The following USP10 variants were observed in gnomAD, a reference collection of about 807,000 sequenced individuals.
USP10 encodes the protein ubiquitin specific peptidase 10.
A neutral mutation model predicts 84.5 loss-of-function variants in USP10; 22 were observed. The ratio of observed to expected loss-of-function variants is 0.26; its 90% CI spans 0.19 to 0.37. The LOEUF (loss-of-function observed/expected upper bound fraction) is 0.37. USP10 is among the 10% of genes least tolerant of loss of function. The pLI is 1.00. For synonymous variants in USP10, 454 were observed against 387.6 expected, an observed-to-expected ratio of 1.17 and a Z score of -2.01; for missense variants, 1,019 against 998.9, an observed-to-expected ratio of 1.02 and a Z score of -0.27.
chr16:84,740,288 G>C (rs1374315646), intron 2 of USP10, 21 bp from the exon 3 acceptor site: 1 of 1,600,950 alleles, frequency 6.2e-7, no homozygotes, highest in Non-Finnish European at 8.5e-7. Flanking sequence ...ATTAAAATTT[G>C]TTTTCTGATT....
intron 4 of USP10, 131 bp from the exon 5 acceptor site, chr16:84,758,585 T>C: frequency 1.5e-6 from 1 of 666,250 alleles, no homozygotes; most frequent in Non-Finnish European, 2.7e-6. Context: ...CTTAACAGTA[T>C]GCATTTTCTT....
intron 4 of USP10, among the ~76,000 whole-genome samples, chr16:84,749,159 A>G (rs9928495): frequency 0.16 from 24,756 of 152,062 alleles, 2,069 homozygotes; most frequent in Admixed American, 0.21. Flanking sequence ...ATTGTTTGAA[A>G]TTTTTTTTGT....
At chr16:84,757,402 G>GTGTGTGTGTGTGTGTGT (rs1555546471) in intron 4 of USP10, among the ~76,000 whole-genome samples, 1 of 82,810 alleles carries the variant, frequency 1.2e-5, no homozygotes, top group African/African-American at 5.4e-5. Context: ...GAGGGGTGGG[G>GTGTGTGTGTGTGTGTGT]GTGTGTGTGT....
chr16:84,712,909 C>T (rs1906500714), intron 1 of USP10, among the ~76,000 whole-genome samples: 1 of 152,176 alleles, frequency 6.6e-6, no homozygotes, highest in Non-Finnish European at 1.5e-5. Context: ...ATGCCTTCAC[C>T]AGAGTTACCA....
chr16:84,757,036 A>G (rs1393267918), intron 4 of USP10, among the ~76,000 whole-genome samples: 1 of 152,178 alleles, frequency 6.6e-6, no homozygotes, highest in Non-Finnish European at 1.5e-5. Context: ...CAGTTTTCTC[A>G]TCTGTAAAAT....
At chr16:84,760,979 T>G (rs1403029096) in intron 8 of USP10, among the ~76,000 whole-genome samples, 1 of 152,228 alleles carries the variant, frequency 6.6e-6, no homozygotes, top group Admixed American at 6.5e-5. Context: ...GCTTCATTGC[T>G]TTGAAGAAGA....
rs371292425 is a variant in USP10, at chr16:84,766,343, G to A, written c.1833-1850G>A. Among the ~76,000 whole-genome samples, 157 of 152,302 alleles carry A rather than the reference G, an allele frequency of 1.0e-3. 1 individual carries two copies. Among genetic ancestry groups the A allele is most frequent in the African/African-American group, 3.4e-3 (143 of 41,566 alleles). ...TTCTGGTGCTCTGTGGAGTGTCCAC[G>A]GCAGCTGGGTGGTCAGTTGTCACCT... On this transcript the variant is annotated intron_variant, in intron 10 of 13. Coordinates refer to ENST00000219473, the MANE Select transcript of USP10 (RefSeq NM_005153.3).
chr16:84,776,138 C>T (rs1914988729), intron 13 of USP10, among the ~76,000 whole-genome samples: 1 of 152,194 alleles, frequency 6.6e-6, no homozygotes, highest in South Asian at 2.1e-4. Context: ...GGTGGGATCC[C>T]TGTTTTATAA....
At chr16:84,760,052 A>G in intron 7 of USP10, 106 bp downstream of exon 7, 2 of 1,522,642 alleles carry the variant, frequency 1.3e-6, no homozygotes, top group Non-Finnish European at 1.8e-6. Context: ...GTGTCTTTAC[A>G]CCTATGCCAT....
At chr16:84,766,599 G>A (rs983984697) in intron 10 of USP10, among the ~76,000 whole-genome samples, 14 of 152,166 alleles carry the variant, frequency 9.2e-5, no homozygotes, top group Admixed American at 4.6e-4. Flanking sequence ...TGCAGAGGCC[G>A]GGTATCAGAA....
intron 4 of USP10, among the ~76,000 whole-genome samples, chr16:84,747,332 C>T (rs1489623992): frequency 6.6e-6 from 1 of 152,156 alleles, no homozygotes; most frequent in East Asian, 1.9e-4. Context: ...CAAATGCACA[C>T]CCTTCGATGG....
rs750462036 is a variant in USP10, at chr16:84,772,552, T to C, written c.2010T>C (p.Ser670=). 3 of 1,613,646 alleles carry C rather than the reference T, an allele frequency of 1.9e-6. No individual in the cohort carries two copies. The Admixed American group carries it at 5.0e-5, about 27-fold the overall frequency. Residue 670 remains serine (S), a synonymous_variant, in exon 12 of 14, where the codon AGT becomes AGC. Coordinates refer to ENST00000219473, the MANE Select transcript of USP10 (RefSeq NM_005153.3). ...GCTTTGTGTCTTAGGTTGAGATAAG[T>C]CGAAGAGTGACTCTGGAAAAACTCC... ...TTKTKQEVEI[S]RRVTLEKLPP...
At chr16:84,709,304 T>A (rs973953813) in intron 1 of USP10, 2 of 152,118 alleles carry the variant, frequency 1.3e-5, no homozygotes, top group Admixed American at 6.6e-5. Flanking sequence ...CATGAGACAG[T>A]GGGGACAGCA....
At chr16:84,763,132 T>G (rs947874789) in intron 9 of USP10, 44 bp downstream of exon 9, 1 of 1,295,932 alleles carries the variant, frequency 7.7e-7, no homozygotes, top group Non-Finnish European at 1.1e-6. Context: ...AAGAGTTCGC[T>G]GTAAACAGGT....
chr16:84,710,319 C>T (rs1378339889), intron 1 of USP10, among the ~76,000 whole-genome samples: 1 of 151,228 alleles, frequency 6.6e-6, no homozygotes, highest in African/African-American at 2.4e-5. Context: ...GTGCAGGGGT[C>T]TTACTTAGAT....
intron 13 of USP10, among the ~76,000 whole-genome samples, chr16:84,776,465 G>C (rs774301): frequency 6.0e-4 from 92 of 152,338 alleles, no homozygotes; most frequent in African/African-American, 1.8e-3. Context: ...CTGGGCCTCA[G>C]ATGGGACGGC....
At chr16:84,735,197 G>GTGT (rs1909749530) in intron 2 of USP10, among the ~76,000 whole-genome samples, 1 of 9,826 alleles carries the variant, frequency 1.0e-4, no homozygotes, top group Non-Finnish European at 7.3e-4. Context: ...GGCCCGGGTG[G>GTGT]TGTGTGTGTG....
At position 84,775,221 on chromosome 16, in the gene USP10, T is replaced by G. The variant is rs530668325; in HGVS notation, c.2205T>G (p.Phe735Leu). 9 of 1,613,436 alleles carry G rather than the reference T, an allele frequency of 5.6e-6. No homozygotes were observed. Among genetic ancestry groups the G allele is most frequent in the Non-Finnish European group, 7.6e-6 (9 of 1,179,350 alleles). ...AATGCCACCGAACCTATCGGCTCTTTGCAGGTGAGTAAATTTGTACGACAT... is the reference window on the plus strand; with the variant it reads ...AATGCCACCGAACCTATCGGCTCTTGGCAGGTGAGTAAATTTGTACGACAT... ...NFKCHRTYRL[F>L]AVVYHHGNSA... The change falls in exon 13 of 14, where the codon TTT (phenylalanine) becomes TTG (leucine). Residue 735 changes from phenylalanine (F) to leucine (L), a missense_variant. Phe to Leu is a conservative substitution (Grantham distance 22). Around this residue, in one of 2 missense-constraint regions of USP10, gnomAD observed 232 missense variants for 290.1 expected, o/e 0.80. Coordinates refer to ENST00000219473, the MANE Select transcript of USP10 (RefSeq NM_005153.3).
At chr16:84,734,722 T>C (rs1213052839) in intron 2 of USP10, among the ~76,000 whole-genome samples, 1 of 152,240 alleles carries the variant, frequency 6.6e-6, no homozygotes, top group Non-Finnish European at 1.5e-5. Context: ...TCCCATCCTT[T>C]AGATAACGAA....
Sources: allele counts gnomAD v4.1 joint callset (sites outside exome capture counted in the v4.1 genomes callset), GRCh38; gene constraint gnomAD v4.1.1; regional missense constraint gnomAD v4.1.1; transcripts MANE v1.5; gene names NCBI Gene and HGNC (gene_info 2026-07-23, HGNC 2026-07-21).